Variants in DYNC1I1 observed in about 807,000 individuals in gnomAD.
The protein encoded by DYNC1I1 is cytoplasmic dynein 1 intermediate chain 1.
In DYNC1I1, 43 loss-of-function variants were observed where a neutral mutation model predicts 86.6. The observed-to-expected ratio is 0.50, with a 90% CI of 0.39 to 0.64. The LOEUF is 0.64. Ranked by LOEUF, DYNC1I1 falls within the 30% of genes least tolerant of loss-of-function variation. The pLI, the probability that DYNC1I1 is intolerant of heterozygous loss-of-function variation, is 0.00. For synonymous variants in DYNC1I1, 262 were observed against 283.7 expected (o/e 0.92, Z 0.77); for missense variants, 604 against 788.8 (o/e 0.77, Z 2.81).
At chr7:96,075,324 TG>T (rs11293151) in intron 14 of DYNC1I1, among the ~76,000 whole-genome samples, 39,482 of 151,866 alleles carry the variant, frequency 0.26, 5,620 homozygotes, top group African/African-American at 0.37. Flanking sequence ...AAGTCAATTT[TG>T]GGGGTTTTGA....
intron 6 of DYNC1I1, among the ~76,000 whole-genome samples, chr7:95,964,111 T>C (rs1792943370): frequency 6.6e-6 from 1 of 152,214 alleles, no homozygotes; most frequent in South Asian, 2.1e-4. Context: ...ACAAATGTGC[T>C]AATGATCTTC....
In DYNC1I1 at chr7:95,988,635, C is replaced by A. The variant is rs1175667374; in HGVS notation, c.843+1480C>A. On this transcript the variant is annotated intron_variant, in intron 9 of 16. Coordinates refer to ENST00000447467, the MANE Select transcript of DYNC1I1 (RefSeq NM_001135556.2). ...AGCCCACATTCTTAACAACAATGTT[C>A]CTTCCTGCAATAACACTGACATAAG... Among the ~76,000 whole-genome samples the A allele has an allele frequency of 2.0e-5, 3 of 152,190 alleles. No individual in the cohort carries two copies. The East Asian group carries it at 5.8e-4, about 29-fold the overall frequency.
intron 6 of DYNC1I1, among the ~76,000 whole-genome samples, chr7:95,918,397 GTTC>G (rs1274995059): frequency 6.6e-6 from 1 of 152,032 alleles, no homozygotes; most frequent in Non-Finnish European, 1.5e-5. Flanking sequence ...CCTTTCTCTT[GTTC>G]TTCTCCTCCC....
At chr7:95,933,745 CA>C (rs1438189912) in intron 6 of DYNC1I1, among the ~76,000 whole-genome samples, 3 of 152,154 alleles carry the variant, frequency 2.0e-5, no homozygotes, top group African/African-American at 4.8e-5. Context: ...ATTATGTAAA[CA>C]CTTAAAGTGA....
chr7:95,979,345 C>T (rs935687408), intron 7 of DYNC1I1, among the ~76,000 whole-genome samples: 4 of 152,170 alleles, frequency 2.6e-5, no homozygotes, highest in Admixed American at 2.0e-4. Context: ...TCAGTTTCCC[C>T]ATCTGGCAAA....
chr7:95,873,089 G>A (rs1790216163), intron 6 of DYNC1I1, among the ~76,000 whole-genome samples: 3 of 152,174 alleles, frequency 2.0e-5, no homozygotes, highest in South Asian at 2.1e-4. Flanking sequence ...GGAGGAAGGA[G>A]GAGGAAATTT....
In DYNC1I1 at chr7:96,110,035, A is replaced by G. The variant is rs550636387; in HGVS notation, c.1599A>G (p.Leu533=). ...ATTCCTGGACTCAAGCAATCCTCCT[A>G]TGTTGGCCTCCCAAAGTGCTGGGAT... Residue 533 remains leucine, a synonymous_variant, in exon 17 of 17, where the codon CTA becomes CTG. Coordinates refer to the DYNC1I1 transcript ENST00000537881. 491 of 431,586 alleles carry G rather than the reference A, an allele frequency of 1.1e-3. 4 individuals are homozygous for G. The highest frequency in any genetic ancestry group is 7.4e-3 in the South Asian group (448 of 60,574). 26.7% of individuals were successfully genotyped at this position (431,586 alleles called of 1,614,324 possible). A position where few individuals can be genotyped will look rare whatever the true frequency, so the allele number is the denominator to read the frequency against.
At chr7:95,833,937 C>G (rs1240577590) in intron 5 of DYNC1I1, among the ~76,000 whole-genome samples, 2 of 145,898 alleles carry the variant, frequency 1.4e-5, no homozygotes, top group East Asian at 2.0e-4. Context: ...TTGACTTCCT[C>G]TTTTCCTAAT....
At chr7:95,924,770 G>A (rs1791697772) in intron 6 of DYNC1I1, among the ~76,000 whole-genome samples, 1 of 152,190 alleles carries the variant, frequency 6.6e-6, no homozygotes, top group Non-Finnish European at 1.5e-5. Flanking sequence ...GGAATCTGCT[G>A]AAGGGGGAGT....
At chr7:96,059,021 C>T (rs531266106) in intron 14 of DYNC1I1, among the ~76,000 whole-genome samples, 1 of 152,054 alleles carries the variant, frequency 6.6e-6, no homozygotes, top group African/African-American at 2.4e-5. Context: ...CTAAATGAAC[C>T]ATTGCTTCTG....
intron 6 of DYNC1I1, among the ~76,000 whole-genome samples, chr7:95,951,534 T>C (rs532242505): frequency 2.3e-4 from 35 of 152,320 alleles, no homozygotes; most frequent in African/African-American, 7.9e-4. Context: ...ACCTATAGTT[T>C]TCTGTTACCA....
At chr7:95,810,320 T>C (rs1044274167) in intron 2 of DYNC1I1, 72 bp from the exon 3 acceptor site, 2 of 1,294,170 alleles carry the variant, frequency 1.5e-6, no homozygotes, top group Non-Finnish European at 2.1e-6. Context: ...GCATTTATCA[T>C]TTTTAGTTTC....
intron 16 of DYNC1I1, among the ~76,000 whole-genome samples, chr7:96,083,926 AT>A (rs1319334126): frequency 6.6e-6 from 1 of 152,260 alleles, no homozygotes; most frequent in East Asian, 1.9e-4. Flanking sequence ...TACAATCTGT[AT>A]TAAAAAGTAG....
chr7:96,109,199 G>C (rs1260851125), intron 16 of DYNC1I1, among the ~76,000 whole-genome samples: 1 of 150,076 alleles, frequency 6.7e-6, no homozygotes, highest in East Asian at 2.0e-4. Flanking sequence ...TTATTTTCCT[G>C]CTTTCTTTTT....
At chr7:95,867,904 G>A (rs1183532921) in intron 5 of DYNC1I1, among the ~76,000 whole-genome samples, 2 of 152,242 alleles carry the variant, frequency 1.3e-5, no homozygotes, top group Non-Finnish European at 2.9e-5. Context: ...TCTTCTTTAG[G>A]TGCTTCAAGA....
At chr7:95,985,003 A>G (rs1289735840) in intron 8 of DYNC1I1, 26 bp downstream of exon 8, 41 of 1,601,612 alleles carry the variant, frequency 2.6e-5, no homozygotes, top group Non-Finnish European at 3.4e-5. Context: ...GCATTCTTTA[A>G]AAAATAGCGT....
intron 5 of DYNC1I1, among the ~76,000 whole-genome samples, chr7:95,868,171 T>C (rs1305751261): frequency 6.6e-6 from 1 of 152,180 alleles, no homozygotes; most frequent in Non-Finnish European, 1.5e-5. Context: ...GCCCATGTGG[T>C]TCAGGCCTGC....
chr7:95,848,462 C>A (rs912458166), intron 5 of DYNC1I1, among the ~76,000 whole-genome samples: 4 of 152,042 alleles, frequency 2.6e-5, no homozygotes, highest in Non-Finnish European at 5.9e-5. Flanking sequence ...TTTTAAGATT[C>A]CACATGAGTG....
chr7:96,091,584 C>CCTGAGTAATACTTAGTATTACTAAAGT (rs1175387891), intron 16 of DYNC1I1, among the ~76,000 whole-genome samples: 1 of 152,082 alleles, frequency 6.6e-6, no homozygotes, highest in African/African-American at 2.4e-5. Context: ...CTAAAGTAAG[C>CCTGAGTAATACTTAGTATTACTAAAGT]AATACCTGAG....
Sources: gnomAD v4.1 joint callset for allele counts (sites outside exome capture counted in the v4.1 genomes callset) on GRCh38, gnomAD v4.1.1 for gene constraint, MANE v1.5 for transcripts, NCBI Gene and HGNC (gene_info 2026-07-23, HGNC 2026-07-21) for gene names.